Variants in SPEF2 observed in about 807,000 individuals in gnomAD.
SPEF2 encodes the protein sperm flagellar and cilia associated 2, also known as sperm flagella and cilia-associated protein 2.
SPEF2 carries 187 observed loss-of-function variants against 224.6 expected under a neutral mutation model. The observed-to-expected ratio is 0.83, with a 90% CI of 0.74 to 0.94. The LOEUF (loss-of-function observed/expected upper bound fraction) is 0.94. Ranked by LOEUF, SPEF2 falls within the 40% of genes least tolerant of loss-of-function variation. SPEF2 has a pLI of 0.00. For missense variants in SPEF2, 2,170 were observed against 2,135.6 expected (o/e 1.02, Z -0.32); for synonymous variants, 715 against 707.3 (o/e 1.01, Z -0.17).
chr5:35,789,484 C>A (rs1337023739), intron 30 of SPEF2: 1 of 658,654 alleles, frequency 1.5e-6, no homozygotes, highest in Admixed American at 2.2e-5. Flanking sequence ...TGGGTGATTT[C>A]TTTTCTCCCC....
chr5:35,739,756 G>T (rs533894398), intron 21 of SPEF2, among the ~76,000 whole-genome samples, 163 bp from the exon 22 acceptor site: 1 of 152,192 alleles, frequency 6.6e-6, no homozygotes, highest in Non-Finnish European at 1.5e-5. Context: ...ATTTGCTGGA[G>T]TGGGAGGCGT....
At chr5:35,651,848 A>C (rs1176314178) in intron 6 of SPEF2, among the ~76,000 whole-genome samples, 1 of 152,164 alleles carries the variant, frequency 6.6e-6, no homozygotes, top group Non-Finnish European at 1.5e-5. Flanking sequence ...ATAATGTCTC[A>C]TGCCAGCAAT....
At position 35,733,454 on chromosome 5, in the gene SPEF2, A is replaced by G. The variant is rs1417860018; in HGVS notation, c.3063+5631A>G. Among the ~76,000 whole-genome samples, 3 of 152,218 alleles carry G rather than the reference A, an allele frequency of 2.0e-5. No homozygotes were observed. In the East Asian group the frequency reaches 5.8e-4, roughly 29 times the overall value. On this transcript the variant is annotated intron_variant, in intron 21 of 36. Coordinates refer to ENST00000356031, the MANE Select transcript of SPEF2 (RefSeq NM_024867.4). Reference sequence around the variant, plus strand: ...CTGTCATAACAACTTAGAGGAGGGAATAATACATTTTATTTAGAATATCAA... The same window carrying G: ...CTGTCATAACAACTTAGAGGAGGGAGTAATACATTTTATTTAGAATATCAA...
chr5:35,786,417 T>A (rs1755130603), intron 30 of SPEF2, among the ~76,000 whole-genome samples: 1 of 152,008 alleles, frequency 6.6e-6, no homozygotes, highest in Admixed American at 6.5e-5. Context: ...CCCAGCACTT[T>A]GGGAAGCCGA....
intron 14 of SPEF2, 114 bp downstream of exon 14, chr5:35,695,910 A>G (rs1755245837): frequency 1.4e-6 from 1 of 694,022 alleles, no homozygotes; most frequent in East Asian, 3.0e-5. Flanking sequence ...CTTTGGTTTC[A>G]AAGTTAATTT....
chr5:35,762,928 T>C (rs1243694796), intron 25 of SPEF2, among the ~76,000 whole-genome samples: 1 of 151,990 alleles, frequency 6.6e-6, no homozygotes, highest in Non-Finnish European at 1.5e-5. Context: ...TTTGTGGGGG[T>C]GGTGCTGTAG....
intron 16 of SPEF2, among the ~76,000 whole-genome samples, chr5:35,701,979 C>CA (rs972253819): frequency 6.6e-6 from 1 of 151,938 alleles, no homozygotes; most frequent in African/African-American, 2.4e-5. Context: ...ACCCTGTCTC[C>CA]AAAAAAATTG....
intron 11 of SPEF2, among the ~76,000 whole-genome samples, chr5:35,692,019 C>T (rs1754568216): frequency 6.6e-6 from 1 of 151,218 alleles, no homozygotes; most frequent in Non-Finnish European, 1.5e-5. Flanking sequence ...AGGATGGTCT[C>T]AATCTCCTGA....
intron 20 of SPEF2, among the ~76,000 whole-genome samples, chr5:35,726,217 C>T (rs1186908683): frequency 6.6e-6 from 1 of 152,174 alleles, no homozygotes; most frequent in South Asian, 2.1e-4. Context: ...TATTCCGACT[C>T]TCTCAGTTTT....
At chr5:35,802,325 A>T (rs12697351) in intron 34 of SPEF2, among the ~76,000 whole-genome samples, 17,480 of 152,088 alleles carry the variant, frequency 0.11, 1,322 homozygotes, top group African/African-American at 0.21. Context: ...TATAACCAGA[A>T]CTTCCCTGGC....
At position 35,617,973 on chromosome 5, in the gene SPEF2, T is replaced by C; in HGVS notation, c.-25T>C. 1 of 1,566,198 alleles carries C rather than the reference T, an allele frequency of 6.4e-7. No homozygotes were observed. ...CCTGGCGAGTTTCTAAGCCCCCGCC[T>C]GCGGTCTGAGGCACCGGCTGAACCA... is the stretch of plus-strand genomic sequence containing the variant. On this transcript the variant is annotated 5_prime_UTR_variant, in exon 1 of 37. Transcript: ENST00000356031.
At chr5:35,648,306 G>A (rs1363722541) in intron 5 of SPEF2, among the ~76,000 whole-genome samples, 4 of 151,646 alleles carry the variant, frequency 2.6e-5, no homozygotes, top group African/African-American at 9.7e-5. Flanking sequence ...CACCTACAGA[G>A]GCTTTTATCT....
intron 23 of SPEF2, among the ~76,000 whole-genome samples, chr5:35,742,905 C>T (rs751703834): frequency 1.3e-5 from 2 of 151,596 alleles, no homozygotes; most frequent in Admixed American, 6.6e-5. Context: ...TTAAAAAATA[C>T]TTCACCCCAA....
chr5:35,685,873 A>G (rs2149518835), intron 10 of SPEF2, among the ~76,000 whole-genome samples: 1 of 152,120 alleles, frequency 6.6e-6, no homozygotes, highest in Non-Finnish European at 1.5e-5. Flanking sequence ...AAAAAAAAAA[A>G]AAAATCTAAC....
chr5:35,777,497 C>T (rs981180592), intron 29 of SPEF2, among the ~76,000 whole-genome samples: 6 of 152,164 alleles, frequency 3.9e-5, no homozygotes. Context: ...CTATCTTCTT[C>T]ATTTTTGGGA....
At chr5:35,731,023 G>C (rs991297575) in intron 21 of SPEF2, among the ~76,000 whole-genome samples, 1 of 152,136 alleles carries the variant, frequency 6.6e-6, no homozygotes, top group Non-Finnish European at 1.5e-5. Context: ...GCCCATCGTA[G>C]GCACTTGAAC....
In SPEF2 at chr5:35,777,226, T is replaced by C. The variant is rs552780986; in HGVS notation, c.4217+831T>C. ...ATTTTCATGTAAAAAGCAGCTGTTA[T>C]GGTTCGTTTTCTCTGGTCCTTGTCT... On this transcript the variant is annotated intron_variant, in intron 29 of 36. Transcript: ENST00000356031. Among the ~76,000 whole-genome samples the C allele has an allele frequency of 3.3e-5, 5 of 152,346 alleles. No individual in the cohort carries two copies. In the East Asian group the frequency reaches 9.6e-4, roughly 29 times the overall value.
intron 8 of SPEF2, among the ~76,000 whole-genome samples, chr5:35,663,872 T>A (rs1014308653): frequency 6.6e-6 from 1 of 152,170 alleles, no homozygotes; most frequent in Non-Finnish European, 1.5e-5. Context: ...CCTCAGCTAC[T>A]GCAGCCAACA....
rs181313119 is a variant in SPEF2 at position 35,755,407 on chromosome 5, A to G, written c.3468+1646A>G. On this transcript the variant is annotated intron_variant, in intron 24 of 36. Coordinates refer to ENST00000356031, the MANE Select transcript of SPEF2 (RefSeq NM_024867.4). ...AGATAATTTTTATGAATCATTCTTC[A>G]TTCAGAGCAATACATACCTCCTTTG... Among the ~76,000 whole-genome samples the G allele has an allele frequency of 2.6e-5, 4 of 152,366 alleles. No homozygotes were observed. In the East Asian group the frequency reaches 7.7e-4, roughly 29 times the overall value.
Sources: gnomAD v4.1 joint callset for allele counts (sites outside exome capture counted in the v4.1 genomes callset) on GRCh38, gnomAD v4.1.1 for gene constraint, MANE v1.5 for transcripts, NCBI Gene and HGNC (gene_info 2026-07-23, HGNC 2026-07-21) for gene names.